The following HMCN1 variants were observed in gnomAD, a reference collection of about 807,000 sequenced individuals.
HMCN1 encodes the protein hemicentin-1.
In HMCN1, 321 loss-of-function variants were observed where a neutral mutation model predicts 625.9. The observed-to-expected ratio is 0.51, with a 90% CI of 0.47 to 0.56. The LOEUF is 0.56. Among genes scored for constraint, HMCN1 ranks in the 20% least tolerant of loss-of-function variants. The pLI is 0.00. For missense variants in HMCN1, 6,588 were observed against 6,887.3 expected, an observed-to-expected ratio of 0.96 and a Z score of 1.54; for synonymous variants, 2,425 against 2,417.6, an observed-to-expected ratio of 1.00 and a Z score of -0.09.
intron 15 of HMCN1, among the ~76,000 whole-genome samples, chr1:185,976,688 T>A (rs1423949834): frequency 2.0e-5 from 3 of 152,174 alleles, no homozygotes; most frequent in African/African-American, 7.2e-5. Context: ...AGTTTCTTCA[T>A]CTATAAAATC....
intron 18 of HMCN1, among the ~76,000 whole-genome samples, chr1:185,983,243 A>G (rs562130410): frequency 1.3e-4 from 20 of 152,104 alleles, no homozygotes; most frequent in African/African-American, 4.8e-4. Context: ...TAAGCTATCT[A>G]TGGCAATACA....
chr1:185,760,565 C>T (rs1042911313), intron 1 of HMCN1, among the ~76,000 whole-genome samples: 1 of 152,024 alleles, frequency 6.6e-6, no homozygotes, highest in Admixed American at 6.6e-5. Context: ...TACTCTATGC[C>T]TTATACTGTA....
chr1:186,079,795 G>A (rs939014723), intron 55 of HMCN1, among the ~76,000 whole-genome samples: 13 of 152,176 alleles, frequency 8.5e-5, no homozygotes, highest in Admixed American at 7.9e-4. Flanking sequence ...AAGCAAGTTG[G>A]AGATGAGTTT....
chr1:186,139,509 A>C (rs1028648388), intron 89 of HMCN1, among the ~76,000 whole-genome samples: 2 of 151,850 alleles, frequency 1.3e-5, no homozygotes, highest in African/African-American at 4.8e-5. Flanking sequence ...AATAAAAGCC[A>C]GTTTTTTCTT....
chr1:186,075,706 A>G (rs950075059), intron 53 of HMCN1, among the ~76,000 whole-genome samples: 5 of 152,282 alleles, frequency 3.3e-5, no homozygotes, highest in East Asian at 3.9e-4. Context: ...TATCCAAAAA[A>G]TATTTATTTA....
At chr1:185,924,279 G>T (rs1479908626) in intron 8 of HMCN1, among the ~76,000 whole-genome samples, 1 of 128,358 alleles carries the variant, frequency 7.8e-6, no homozygotes, top group East Asian at 2.3e-4. Flanking sequence ...TGCCCAGGCT[G>T]GAGTGCAGTG....
Position 185,970,512 on chromosome 1 carries a change from T to C in HMCN1, c.2371+19T>C. ...GTTGGCTGTAAGCCTCCAGATCTTA[T>C]AGGCCAATTTGTTTAGAAATTGATA... is the stretch of plus-strand genomic sequence containing the variant. On this transcript the variant is annotated intron_variant, in intron 15 of 106. Transcript: ENST00000271588. 1 of 1,599,378 alleles carries C rather than the reference T, an allele frequency of 6.3e-7. No individual in the cohort carries two copies. Among genetic ancestry groups the C allele is most frequent in the Non-Finnish European group, 8.6e-7 (1 of 1,166,508 alleles).
intron 1 of HMCN1, among the ~76,000 whole-genome samples, chr1:185,822,026 G>A (rs1009650960): frequency 2.0e-5 from 3 of 152,028 alleles, no homozygotes; most frequent in Non-Finnish European, 4.4e-5. Flanking sequence ...CTGTGGAGAC[G>A]GTGAAAAGAT....
At chr1:186,158,212 T>C (rs1651165723) in intron 97 of HMCN1, among the ~76,000 whole-genome samples, 1 of 150,848 alleles carries the variant, frequency 6.6e-6, no homozygotes, top group Non-Finnish European at 1.5e-5. Flanking sequence ...CATTTTTTCA[T>C]GTGTTTTTTG....
chr1:186,082,740 TACA>T (rs1287549799), intron 56 of HMCN1, 122 bp from the exon 57 acceptor site: 2 of 440,062 alleles, frequency 4.5e-6, no homozygotes, highest in Non-Finnish European at 7.9e-6. Flanking sequence ...CACTAGTATG[TACA>T]ACATTTTTTT....
At chr1:185,918,857 C>A (rs1477170040) in intron 6 of HMCN1, among the ~76,000 whole-genome samples, 1 of 152,068 alleles carries the variant, frequency 6.6e-6, no homozygotes, top group Non-Finnish European at 1.5e-5. Flanking sequence ...TTCTCTGAGA[C>A]TGAATGCTGC....
chr1:185,883,879 A>ATTTTTTTTTTTTTTTT (rs1205211897), intron 4 of HMCN1, among the ~76,000 whole-genome samples: 3 of 55,936 alleles, frequency 5.4e-5, no homozygotes, highest in Admixed American at 2.0e-4. Context: ...ATAGGTCATG[A>ATTTTTTTTTTTTTTTT]TTTTTTTTTT....
chr1:186,180,547 C>T (rs1477006730), intron 104 of HMCN1, among the ~76,000 whole-genome samples: 1 of 152,204 alleles, frequency 6.6e-6, no homozygotes, highest in Non-Finnish European at 1.5e-5. Flanking sequence ...TAATAACCCA[C>T]TTCTCTACTT....
chr1:186,151,526 C>A, intron 94 of HMCN1, 80 bp from the exon 95 acceptor site: 1 of 1,421,754 alleles, frequency 7.0e-7, no homozygotes, highest in Non-Finnish European at 9.8e-7. Flanking sequence ...AGAATTCATC[C>A]TTGTGAATAA....
chr1:186,000,148 T>C lies in HMCN1; in HGVS notation c.3978T>C (p.Ala1326=). The change falls in exon 26 of 107, where the codon GCT becomes GCC. Residue 1326 remains alanine, a synonymous_variant. Transcript: ENST00000271588. ...AAGATGGCACATTGCTGGTTATTGC[T>C]TCTGTTACACCCTATGACAATGGGG... ...ILEDGTLLVI[A]SVTPYDNGEY... The C allele has an allele frequency of 1.9e-6, 3 of 1,613,220 alleles. No individual in the cohort carries two copies. Among genetic ancestry groups the C allele is most frequent in the Non-Finnish European group, 2.5e-6 (3 of 1,179,410 alleles).
intron 6 of HMCN1, among the ~76,000 whole-genome samples, chr1:185,915,992 T>C (rs1323220805): frequency 6.6e-6 from 1 of 152,098 alleles, no homozygotes; most frequent in African/African-American, 2.4e-5. Flanking sequence ...ATGCTTCCTT[T>C]ATAAAAAAGA....
At position 185,764,526 on chromosome 1, in the gene HMCN1, T is replaced by C. The variant is rs549007317; in HGVS notation, c.268+29479T>C. On this transcript the variant is annotated intron_variant, in intron 1 of 106. Coordinates refer to ENST00000271588, the MANE Select transcript of HMCN1 (RefSeq NM_031935.3). ...ATGGATTTTCTTTTGAGTATCACTCTGTCAGGCAGTATCCATTAATTATCC... is the reference window on the plus strand; with the variant it reads ...ATGGATTTTCTTTTGAGTATCACTCCGTCAGGCAGTATCCATTAATTATCC... Among the ~76,000 whole-genome samples the C allele has an allele frequency of 1.5e-3, 229 of 152,314 alleles. 1 individual carries two copies. The highest frequency in any genetic ancestry group is 2.4e-3 in the Admixed American group (37 of 15,280).
At chr1:185,851,994 A>T (rs1662191181) in intron 2 of HMCN1, among the ~76,000 whole-genome samples, 1 of 152,058 alleles carries the variant, frequency 6.6e-6, no homozygotes, top group Non-Finnish European at 1.5e-5. Flanking sequence ...GAATATGATT[A>T]AAAATATCTG....
intron 97 of HMCN1, among the ~76,000 whole-genome samples, chr1:186,159,364 AACAGGGACAATTTG>A (rs1651270683): frequency 6.6e-6 from 1 of 152,200 alleles, no homozygotes; most frequent in African/African-American, 2.4e-5. Flanking sequence ...GTCATCTGCA[AACAGGGACAATTTG>A]ACTTCCTCTT....
Sources: gnomAD v4.1 joint callset for allele counts (sites outside exome capture counted in the v4.1 genomes callset) on GRCh38, gnomAD v4.1.1 for gene constraint, MANE v1.5 for transcripts, NCBI Gene and HGNC (gene_info 2026-07-23, HGNC 2026-07-21) for gene names.